Variants in SLC39A10 observed in about 807,000 individuals in gnomAD.
SLC39A10 encodes zinc transporter ZIP10.
Under a neutral mutation model 65.1 loss-of-function variants are expected in SLC39A10, and 13 were observed. That is an observed-to-expected ratio of 0.20 (90% CI 0.13 to 0.32). The LOEUF is 0.32. Ranked by LOEUF, SLC39A10 falls within the 10% of genes least tolerant of loss-of-function variation. The probability of loss-of-function intolerance (pLI) is 1.00; values close to 1 mark genes in which losing one functional copy is unlikely to be tolerated. For synonymous variants in SLC39A10, 321 were observed against 342.2 expected (o/e 0.94, Z 0.68); for missense variants, 831 against 1,018.4 (o/e 0.82, Z 2.50).
chr2:195,682,685 G>A lies in SLC39A10; in HGVS notation c.1009-1014G>A, dbSNP rs545833599. On this transcript the variant is annotated intron_variant, in intron 2 of 9. Transcript: ENST00000359634. ...TTCATTTCCTCTTTGTATCACATCC[G>A]TGAGGTTTGCATTATTAGACTTGTT... is the stretch of plus-strand genomic sequence containing the variant. Among the ~76,000 whole-genome samples the A allele has an allele frequency of 2.6e-5, 4 of 151,950 alleles. No individual in the cohort carries two copies. In the East Asian group the frequency reaches 5.8e-4, roughly 22 times the overall value.
At chr2:195,613,998 T>C (rs1018630451) in intron 2 of SLC39A10, among the ~76,000 whole-genome samples, 1 of 152,204 alleles carries the variant, frequency 6.6e-6, no homozygotes, top group African/African-American at 2.4e-5. Context: ...TTCGGGTCCT[T>C]CATATTCAGA....
At chr2:195,719,450 T>G (rs1691939743) in intron 8 of SLC39A10, among the ~76,000 whole-genome samples, 1 of 152,160 alleles carries the variant, frequency 6.6e-6, no homozygotes, top group Non-Finnish European at 1.5e-5. Context: ...TCAGAGATAG[T>G]GCATTGAACA....
At chr2:195,620,076 C>T (rs1040068134) in intron 2 of SLC39A10, among the ~76,000 whole-genome samples, 12 of 152,168 alleles carry the variant, frequency 7.9e-5, no homozygotes, top group Non-Finnish European at 2.9e-5. Flanking sequence ...GTGCCCACCA[C>T]CACACCCAGC....
intron 2 of SLC39A10, among the ~76,000 whole-genome samples, chr2:195,623,906 C>T: frequency 2.0e-5 from 1 of 50,260 alleles, no homozygotes; most frequent in South Asian, 5.9e-4. Context: ...AAAAACCACA[C>T]ACACACACAC....
chr2:195,712,406 T>A (rs534193010), intron 5 of SLC39A10, among the ~76,000 whole-genome samples: 84 of 152,358 alleles, frequency 5.5e-4, no homozygotes, highest in African/African-American at 1.9e-3. Flanking sequence ...GGAAGGAAAT[T>A]GATAGTGGCC....
At chr2:195,683,601 A>C (rs1342695175) in intron 2 of SLC39A10, 98 bp from the exon 3 acceptor site, 4 of 880,632 alleles carry the variant, frequency 4.5e-6, no homozygotes, top group Admixed American at 4.9e-5. Flanking sequence ...GATTATTTGC[A>C]AGTAATATTT....
At chr2:195,730,699 C>A (rs1323887854) in intron 9 of SLC39A10, among the ~76,000 whole-genome samples, 2 of 152,166 alleles carry the variant, frequency 1.3e-5, no homozygotes, top group African/African-American at 4.8e-5. Context: ...ATAGGCCTTT[C>A]CTTTAACTCC....
At chr2:195,688,204 A>G (rs1461538705) in intron 3 of SLC39A10, among the ~76,000 whole-genome samples, 1 of 152,190 alleles carries the variant, frequency 6.6e-6, no homozygotes, top group Non-Finnish European at 1.5e-5. Context: ...TGTTTTATAT[A>G]AGGTTTTTAA....
At chr2:195,668,080 G>T (rs577070557) in intron 1 of SLC39A10, among the ~76,000 whole-genome samples, 1 of 152,256 alleles carries the variant, frequency 6.6e-6, no homozygotes, top group East Asian at 1.9e-4. Context: ...TAACATCTTT[G>T]ACTCCTAGGC....
intron 2 of SLC39A10, among the ~76,000 whole-genome samples, chr2:195,625,347 C>T (rs1393102293): frequency 2.0e-5 from 3 of 151,484 alleles, no homozygotes; most frequent in Non-Finnish European, 4.4e-5. Flanking sequence ...ACGATCTCGG[C>T]TCACCGCAAC....
intron 2 of SLC39A10, among the ~76,000 whole-genome samples, chr2:195,640,868 G>A (rs1278734176): frequency 6.6e-6 from 1 of 152,186 alleles, no homozygotes; most frequent in East Asian, 1.9e-4. Flanking sequence ...ATAGGGTGTC[G>A]ACAGGTTAAG....
intron 1 of SLC39A10, among the ~76,000 whole-genome samples, chr2:195,661,190 G>A (rs187341602): frequency 3.9e-4 from 59 of 152,006 alleles, no homozygotes; most frequent in African/African-American, 2.2e-4. Flanking sequence ...AAACTCTTAA[G>A]GTTTTAGGTT....
At chr2:195,689,606 G>A (rs1559035344) in intron 3 of SLC39A10, among the ~76,000 whole-genome samples, 1 of 151,984 alleles carries the variant, frequency 6.6e-6, no homozygotes. Flanking sequence ...TATACAGTTT[G>A]GTGATATTAA....
In SLC39A10 at chr2:195,735,071, G is replaced by T; in HGVS notation, c.*30G>T. On this transcript the variant is annotated 3_prime_UTR_variant, in exon 10 of 10. Coordinates refer to ENST00000359634, the MANE Select transcript of SLC39A10 (RefSeq NM_020342.3). ...TCCCAGTAATCACTGTTGATTACGA[G>T]AATGTTACCATGCAGCTTTGCATCT... 6.3e-7 allele frequency: 1 copy of T among 1,596,652 alleles called. No homozygotes were observed. Among genetic ancestry groups the T allele is most frequent in the South Asian group, 1.1e-5 (1 of 87,538 alleles).
intron 6 of SLC39A10, 60 bp downstream of exon 6, chr2:195,713,613 A>G: frequency 6.8e-7 from 1 of 1,477,602 alleles, no homozygotes; most frequent in Non-Finnish European, 9.0e-7. Context: ...ATTCAAATTT[A>G]CATTTAATTT....
At position 195,680,789 on chromosome 2, in the gene SLC39A10, A is replaced by G. The variant is rs770377157; in HGVS notation, c.747A>G (p.Pro249=). 3 of 1,614,180 alleles carry G rather than the reference A, an allele frequency of 1.9e-6. No homozygotes were observed. The highest frequency in any genetic ancestry group is 1.3e-5 in the African/African-American group (1 of 75,056). The change falls in exon 2 of 10, where the codon CCA becomes CCG. Residue 249 remains proline (P), a synonymous_variant. Coordinates refer to ENST00000359634, the MANE Select transcript of SLC39A10 (RefSeq NM_020342.3). ...ATGAAAATTCTGAGGTTATTACACC[A>G]GGTTTTCCCCCTAACCATGATCAGG... The part of the protein sequence containing the change: ...KSNENSEVIT[P]GFPPNHDQGE...
At position 195,716,673 on chromosome 2, in the gene SLC39A10, A is replaced by T. The variant is rs780562907; in HGVS notation, c.1733A>T (p.Asn578Ile). Residue 578 changes from asparagine (N) to isoleucine (I), a missense_variant, in exon 7 of 10, where the codon AAT becomes ATT. Asn to Ile is a moderately radical substitution (Grantham distance 149). Transcript: ENST00000359634. ...DDSVVSEDRL[N>I]ETELTDLEGQ... ...TCGGTTGTTTCTGAAGATCGACTTA[A>T]TGAAACTGAACTGACAGATTTAGAA... The T allele has an allele frequency of 5.6e-6, 9 of 1,611,968 alleles. No homozygotes were observed. Among genetic ancestry groups the T allele is most frequent in the Middle Eastern group, 1.6e-4 (1 of 6,070 alleles).
rs56316129 is a variant in SLC39A10, at chr2:195,735,738, T to A, written c.*697T>A. On this transcript the variant is annotated 3_prime_UTR_variant, in exon 10 of 10. Coordinates refer to ENST00000359634, the MANE Select transcript of SLC39A10 (RefSeq NM_020342.3). ...TAATGAAAGATTCATAATGGTTCTT[T>A]GTATTATTATAATACTTGGTGTTGG... 1 of 152,738 alleles carries A rather than the reference T, an allele frequency of 6.5e-6. No homozygotes were observed. Among genetic ancestry groups the A allele is most frequent in the Middle Eastern group, 3.4e-3 (1 of 294 alleles). 9.5% of individuals were successfully genotyped at this position (152,738 alleles called of 1,614,324 possible). A position where few individuals can be genotyped will look rare whatever the true frequency, so the allele number is the denominator to read the frequency against.
intron 1 of SLC39A10, among the ~76,000 whole-genome samples, chr2:195,673,970 T>C (rs1224422886): frequency 6.6e-6 from 1 of 152,196 alleles, no homozygotes; most frequent in Non-Finnish European, 1.5e-5. Context: ...ATTTCCCTCC[T>C]TCCCTTTCTG....
Sources: gnomAD v4.1 joint callset for allele counts (sites outside exome capture counted in the v4.1 genomes callset) on GRCh38, gnomAD v4.1.1 for gene constraint, MANE v1.5 for transcripts, NCBI Gene and HGNC (gene_info 2026-07-23, HGNC 2026-07-21) for gene names.